HYCC1: variants seen among roughly 807,000 people sequenced by gnomAD.
The protein encoded by HYCC1 is hyccin.
At chr7:22,971,025 A>G in the HYCC1 span, among the ~76,000 whole-genome samples, 4 of 152,074 alleles carry the variant, frequency 2.6e-5, no homozygotes, top group African/African-American at 9.7e-5. Context: ...TGGTCAATAT[A>G]TTTCTTGGAG....
the HYCC1 span, among the ~76,000 whole-genome samples, chr7:23,000,667 A>C: frequency 6.6e-6 from 1 of 152,098 alleles, no homozygotes; most frequent in Non-Finnish European, 1.5e-5. Flanking sequence ...CTCCACATCA[A>C]TGCTGGAATT....
the HYCC1 span, among the ~76,000 whole-genome samples, chr7:22,948,377 A>G: frequency 6.6e-6 from 1 of 152,098 alleles, no homozygotes; most frequent in Admixed American, 6.6e-5. Flanking sequence ...CCAGAGCCAC[A>G]TATTACTGTG....
the HYCC1 span, among the ~76,000 whole-genome samples, chr7:22,948,618 G>C: frequency 6.6e-6 from 1 of 151,992 alleles, no homozygotes; most frequent in Non-Finnish European, 1.5e-5. Context: ...GGGTGCCTTG[G>C]ATACTCCATA....
the HYCC1 span, among the ~76,000 whole-genome samples, chr7:22,974,839 T>C: frequency 4.6e-5 from 7 of 152,222 alleles, no homozygotes; most frequent in African/African-American, 1.7e-4. Context: ...GGTTGGGTTT[T>C]CCCATGCTGT....
the HYCC1 span, chr7:22,943,985 C>G: frequency 2.8e-4 from 42 of 152,222 alleles, no homozygotes; most frequent in African/African-American, 9.9e-4. Flanking sequence ...AACTGGTAGC[C>G]AAAGCAGTTG....
At chr7:22,975,741 G>A in the HYCC1 span, among the ~76,000 whole-genome samples, 1 of 152,126 alleles carries the variant, frequency 6.6e-6, no homozygotes, top group Admixed American at 6.5e-5. Context: ...TTTTGAGACA[G>A]GGTCCTGCTC....
chr7:22,977,179 G>T, the HYCC1 span, among the ~76,000 whole-genome samples: 25 of 151,846 alleles, frequency 1.6e-4, no homozygotes, highest in Non-Finnish European at 3.4e-4. Context: ...CATTTATTTT[G>T]ATTTCTTATC....
chr7:22,918,920 C>T, the HYCC1 span, among the ~76,000 whole-genome samples: 1 of 152,116 alleles, frequency 6.6e-6, no homozygotes. Flanking sequence ...CACATGGACG[C>T]ATGTGACAAG....
At chr7:22,986,733 A>C in the HYCC1 span, among the ~76,000 whole-genome samples, 1 of 152,190 alleles carries the variant, frequency 6.6e-6, no homozygotes, top group Non-Finnish European at 1.5e-5. Context: ...CTGTAGTCCC[A>C]GCTACTCGGG....
chr7:22,906,361 T>G, the HYCC1 span, among the ~76,000 whole-genome samples: 1 of 152,102 alleles, frequency 6.6e-6, no homozygotes, highest in Non-Finnish European at 1.5e-5. Flanking sequence ...GCGGATCACC[T>G]GAGCTCAGGA....
the HYCC1 span, among the ~76,000 whole-genome samples, chr7:22,911,983 G>A: frequency 6.6e-6 from 1 of 152,064 alleles, no homozygotes; most frequent in East Asian, 1.9e-4. Context: ...TATATTCATT[G>A]GCTACATAGA....
the HYCC1 span, among the ~76,000 whole-genome samples, chr7:22,955,624 T>C: frequency 3.3e-5 from 5 of 151,682 alleles, no homozygotes; most frequent in South Asian, 4.1e-4. Flanking sequence ...ATGGATAATT[T>C]CTTAAAAAGT....
chr7:23,013,843 C>T, the HYCC1 span: 1 of 439,024 alleles, frequency 2.3e-6, no homozygotes. Context: ...CGCCGCCTCG[C>T]CCCGGCTCCT....
the HYCC1 span, chr7:22,964,298 C>T: frequency 1.4e-6 from 1 of 700,398 alleles, no homozygotes; most frequent in Non-Finnish European, 2.6e-6. Context: ...CTTCATATTT[C>T]ACAAAAAGTA....
chr7:22,996,496 T>C, the HYCC1 span, among the ~76,000 whole-genome samples: 1 of 150,708 alleles, frequency 6.6e-6, no homozygotes, highest in Non-Finnish European at 1.5e-5. Flanking sequence ...TGGAGTACTA[T>C]TGTAGGATAA....
the HYCC1 span, among the ~76,000 whole-genome samples, chr7:22,996,071 G>T: frequency 6.6e-6 from 1 of 151,998 alleles, no homozygotes; most frequent in East Asian, 1.9e-4. Flanking sequence ...GAGGCAGGAG[G>T]ATCACTTGAG....
At chr7:22,921,967 A>C in the HYCC1 span, among the ~76,000 whole-genome samples, 1 of 152,076 alleles carries the variant, frequency 6.6e-6, no homozygotes, top group Non-Finnish European at 1.5e-5. Flanking sequence ...AGTAAGAAAA[A>C]CTCAAAAGCC....
the HYCC1 span, chr7:22,939,605 T>A: frequency 1.3e-5 from 2 of 152,370 alleles, no homozygotes; most frequent in Admixed American, 6.5e-5. Context: ...TGATTTTATC[T>A]TACCTTAAAA....
chr7:22,921,644 C>T, the HYCC1 span, among the ~76,000 whole-genome samples: 553 of 152,284 alleles, frequency 3.6e-3, 4 homozygotes, highest in African/African-American at 0.013. Context: ...CGGCTCCCCA[C>T]ACCCATGTGT....
Sources: allele counts gnomAD v4.1 joint callset (sites outside exome capture counted in the v4.1 genomes callset), GRCh38; gene constraint gnomAD v4.1.1; transcripts MANE v1.5; gene names NCBI Gene and HGNC (gene_info 2026-07-23, HGNC 2026-07-21).